LRRIQ3: variants seen among roughly 807,000 people sequenced by gnomAD.
LRRIQ3 encodes the protein leucine-rich repeat and IQ domain-containing protein 3.
Under a neutral mutation model 59.3 loss-of-function variants are expected in LRRIQ3, and 75 were observed. The ratio of observed to expected loss-of-function variants is 1.26; its 90% CI spans 1.05 to 1.53. The LOEUF (loss-of-function observed/expected upper bound fraction) is 1.53. Among genes scored for constraint, LRRIQ3 ranks in the 40% most tolerant of loss-of-function variants. LRRIQ3 has a pLI of 0.00. For synonymous variants in LRRIQ3, 250 were observed against 231.3 expected (o/e 1.08, Z -0.73); for missense variants, 831 against 710.0 (o/e 1.17, Z -1.94).
At chr1:74,030,734 T>C (rs1051614363) in intron 7 of LRRIQ3, among the ~76,000 whole-genome samples, 1 of 152,100 alleles carries the variant, frequency 6.6e-6, no homozygotes, top group African/African-American at 2.4e-5. Context: ...CCAAACGCAA[T>C]GGCAACAAAA....
At chr1:74,188,934 A>T (rs1650580046) in intron 1 of LRRIQ3, among the ~76,000 whole-genome samples, 1 of 152,194 alleles carries the variant, frequency 6.6e-6, no homozygotes, top group Non-Finnish European at 1.5e-5. Flanking sequence ...TTTATTTTTC[A>T]ATTATTTATG....
At chr1:74,127,074 G>T (rs1198226682) in intron 4 of LRRIQ3, among the ~76,000 whole-genome samples, 4 of 151,760 alleles carry the variant, frequency 2.6e-5, no homozygotes, top group African/African-American at 7.3e-5. Flanking sequence ...ATATCCCCTT[G>T]CTGAATTGAC....
chr1:74,046,010 G>A (rs2211207), intron 6 of LRRIQ3, among the ~76,000 whole-genome samples: 129,236 of 152,160 alleles, frequency 0.85, 55,778 homozygotes, highest in East Asian at 0.97. Context: ...AAGAATGAAT[G>A]TCATTAAAAT....
intron 6 of LRRIQ3, among the ~76,000 whole-genome samples, chr1:74,069,569 T>C (rs1470578043): frequency 6.6e-6 from 1 of 152,046 alleles, no homozygotes; most frequent in African/African-American, 2.4e-5. Flanking sequence ...TAAAAGCACC[T>C]ATTATTACAA....
rs556665537 is a variant in LRRIQ3, at chr1:74,097,341, C to T, written c.867+12053G>A. Among the ~76,000 whole-genome samples, 223 of 151,984 alleles carry T rather than the reference C, an allele frequency of 1.5e-3. 1 individual carries two copies. The highest frequency in any genetic ancestry group is 2.0e-3 in the Non-Finnish European group (133 of 67,970). ...TGAAGATCAAATGAATGAAATGAAG[C>T]GAGAAGAGAAGTTAGAGAAAAAAGC... On this transcript the variant is annotated intron_variant, in intron 5 of 7. Coordinates refer to ENST00000354431, the MANE Select transcript of LRRIQ3 (RefSeq NM_001105659.2).
chr1:74,035,798 A>C (rs1243902351), intron 7 of LRRIQ3, among the ~76,000 whole-genome samples: 3 of 152,064 alleles, frequency 2.0e-5, no homozygotes, highest in Non-Finnish European at 4.4e-5. Flanking sequence ...ACTTTCTGCT[A>C]TAGGTACAGG....
At chr1:74,051,082 CT>C (rs1348159789) in intron 6 of LRRIQ3, among the ~76,000 whole-genome samples, 2 of 152,174 alleles carry the variant, frequency 1.3e-5, no homozygotes, top group African/African-American at 2.4e-5. Flanking sequence ...GGCGTTACCC[CT>C]CTCACTTTAC....
At chr1:74,042,250 T>C (rs1654070904) in intron 6 of LRRIQ3, among the ~76,000 whole-genome samples, 1 of 152,142 alleles carries the variant, frequency 6.6e-6, no homozygotes, top group African/African-American at 2.4e-5. Context: ...CATATTATTT[T>C]TTCATATAGT....
chr1:74,096,801 G>A (rs1646454963), intron 5 of LRRIQ3, among the ~76,000 whole-genome samples: 1 of 152,142 alleles, frequency 6.6e-6, no homozygotes, highest in African/African-American at 2.4e-5. Context: ...GTTGGAGTTT[G>A]CTGGAGGTCC....
At chr1:74,173,917 T>TA (rs976769512) in intron 3 of LRRIQ3, among the ~76,000 whole-genome samples, 2 of 152,092 alleles carry the variant, frequency 1.3e-5, no homozygotes, top group African/African-American at 4.8e-5. Flanking sequence ...TTGGGTTTTT[T>TA]ATTGTTGTTT....
chr1:74,126,717 G>T (rs913924208), intron 4 of LRRIQ3, among the ~76,000 whole-genome samples: 2 of 151,786 alleles, frequency 1.3e-5, no homozygotes, highest in African/African-American at 4.8e-5. Flanking sequence ...GGAGACACTT[G>T]ATATAATTTC....
intron 7 of LRRIQ3, among the ~76,000 whole-genome samples, chr1:74,034,251 T>C (rs985818345): frequency 2.6e-5 from 4 of 152,032 alleles, no homozygotes; most frequent in African/African-American, 9.6e-5. Flanking sequence ...ATTTCACTTT[T>C]TGATCACATC....
At chr1:74,054,497 C>T (rs1654463509) in intron 6 of LRRIQ3, among the ~76,000 whole-genome samples, 3 of 151,948 alleles carry the variant, frequency 2.0e-5, no homozygotes, top group African/African-American at 4.8e-5. Flanking sequence ...ATAGAATGTA[C>T]ACCAAGAGTA....
chr1:74,051,851 G>A (rs899875867), intron 6 of LRRIQ3, among the ~76,000 whole-genome samples: 3 of 151,762 alleles, frequency 2.0e-5, no homozygotes, highest in Non-Finnish European at 2.9e-5. Context: ...GTTTGCCTTC[G>A]CCACTCCACT....
chr1:74,180,858 A>G, intron 3 of LRRIQ3: 1 of 1,460,342 alleles, frequency 6.8e-7, no homozygotes, highest in South Asian at 1.3e-5. Flanking sequence ...CATCCACCCT[A>G]GCTAATGTAG....
intron 6 of LRRIQ3, among the ~76,000 whole-genome samples, chr1:74,070,268 C>T (rs959850478): frequency 2.6e-5 from 4 of 151,986 alleles, no homozygotes; most frequent in African/African-American, 9.7e-5. Flanking sequence ...AAACGTGGTA[C>T]ATACACAAGA....
At chr1:74,158,687 C>G (rs563796173) in intron 3 of LRRIQ3, among the ~76,000 whole-genome samples, 1 of 152,236 alleles carries the variant, frequency 6.6e-6, no homozygotes, top group Non-Finnish European at 1.5e-5. Context: ...GTTAAGAAAT[C>G]TCCTCAGTCC....
intron 6 of LRRIQ3, among the ~76,000 whole-genome samples, chr1:74,044,280 A>G (rs926222028): frequency 1.4e-4 from 22 of 152,004 alleles, no homozygotes; most frequent in African/African-American, 4.6e-4. Context: ...GCAATCCCCA[A>G]TGTTGGATAT....
In LRRIQ3 at chr1:74,060,188, T is replaced by TTTCTTCTTCTTCTTC. The variant is rs1322871460; in HGVS notation, c.997+14458_997+14472dup. ...TCGTCGTCATCTTCTTCTTCTTCTT[T>TTTCTTCTTCTTCTTC]TTCTTCTTCTTCTTCTTCTTCTTCT... On this transcript the variant is annotated intron_variant, in intron 6 of 7. Transcript: ENST00000354431. 5.3e-4 allele frequency among the ~76,000 whole-genome samples: 59 copies of TTTCTTCTTCTTCTTC among 111,624 alleles called. 1 individual carries two copies. Among genetic ancestry groups the TTTCTTCTTCTTCTTC allele is most frequent in the African/African-American group, 1.3e-3 (40 of 31,686 alleles). The allele number at this position is 111,624 out of a possible 152,430, so 73.2% of individuals were successfully genotyped here.
Sources: allele counts gnomAD v4.1 joint callset (sites outside exome capture counted in the v4.1 genomes callset), GRCh38; gene constraint gnomAD v4.1.1; transcripts MANE v1.5; gene names NCBI Gene and HGNC (gene_info 2026-07-23, HGNC 2026-07-21).